INTS13: variants seen among roughly 807,000 people sequenced by gnomAD.
INTS13 encodes the protein asunder, spermatogenesis regulator homolog (Drosphila).
A neutral mutation model predicts 90.2 loss-of-function variants in INTS13; 35 were observed. The ratio of observed to expected loss-of-function variants is 0.39; its 90% confidence interval spans 0.30 to 0.51. The LOEUF (loss-of-function observed/expected upper bound fraction) is 0.51, where lower values mean the gene tolerates loss of function less well. INTS13 is among the 20% of genes least tolerant of loss of function. The pLI, the probability that INTS13 is intolerant of heterozygous loss-of-function variation, is 0.80. For synonymous variants in INTS13, 309 were observed against 277.1 expected (o/e 1.11, Z -1.14); for missense variants, 601 against 851.2 (o/e 0.71, Z 3.66).
At chr12:26,919,911 G>A (rs534711468) in intron 8 of INTS13, among the ~76,000 whole-genome samples, 7 of 152,194 alleles carry the variant, frequency 4.6e-5, no homozygotes, top group South Asian at 2.1e-4. Flanking sequence ...GGCGGATCAC[G>A]AGGTCAGGAG....
chr12:26,925,236 T>C (rs934095543), intron 6 of INTS13, among the ~76,000 whole-genome samples: 2 of 152,144 alleles, frequency 1.3e-5, no homozygotes, highest in Non-Finnish European at 1.5e-5. Context: ...CCAGGACATA[T>C]ATCTATATTT....
intron 12 of INTS13, 139 bp downstream of exon 12, chr12:26,914,269 T>C (rs1006791773): frequency 8.4e-7 from 1 of 1,186,620 alleles, no homozygotes; most frequent in Middle Eastern, 2.9e-4. Context: ...AATTTTTAAT[T>C]ATTAATTCTT....
At chr12:26,908,145 T>C (rs1017289539) in intron 15 of INTS13, among the ~76,000 whole-genome samples, 16 of 152,106 alleles carry the variant, frequency 1.1e-4, no homozygotes, top group African/African-American at 3.4e-4. Flanking sequence ...AGCACAATTA[T>C]AGGAAGAGAA....
intron 5 of INTS13, among the ~76,000 whole-genome samples, chr12:26,926,894 C>T (rs1186258840): frequency 6.6e-6 from 1 of 152,222 alleles, no homozygotes. Context: ...CAGCAGCATT[C>T]AGCCCCACTC....
intron 7 of INTS13, among the ~76,000 whole-genome samples, chr12:26,923,717 T>C (rs1217895299): frequency 6.6e-6 from 1 of 152,208 alleles, no homozygotes; most frequent in Non-Finnish European, 1.5e-5. Flanking sequence ...ACATCTATGG[T>C]CTTTCAGTTA....
rs779577136 is a variant in INTS13 at position 26,916,152 on chromosome 12, T to C, written c.1098A>G (p.Arg366=). The C allele has an allele frequency of 2.2e-5, 36 of 1,611,634 alleles. No homozygotes were observed. The highest frequency in any genetic ancestry group is 2.9e-5 in the Non-Finnish European group (34 of 1,179,190). The change falls in exon 11 of 17, where the codon CGA becomes CGG. Residue 366 remains arginine, a synonymous_variant. Coordinates refer to ENST00000261191, the MANE Select transcript of INTS13 (RefSeq NM_018164.3). ...GACTAATGACTTTAGAACCTGACTT[T>C]CGTGGTTGTTCCAATAAAACAGAAC... is the stretch of plus-strand genomic sequence containing the variant. ...NGRSVLLEQP[R]KSGSKVISHM...
intron 15 of INTS13, among the ~76,000 whole-genome samples, chr12:26,910,335 T>C (rs571482227): frequency 6.6e-6 from 1 of 152,352 alleles, no homozygotes; most frequent in African/African-American, 2.4e-5. Flanking sequence ...AAACTTTATA[T>C]GCTTATTTTC....
intron 12 of INTS13, 73 bp from the exon 13 acceptor site, chr12:26,914,201 T>G: frequency 7.3e-7 from 1 of 1,371,000 alleles, no homozygotes; most frequent in South Asian, 1.5e-5. Flanking sequence ...AGGCAGAACT[T>G]GATTTTCGAA....
intron 11 of INTS13, among the ~76,000 whole-genome samples, chr12:26,915,474 T>G (rs1260817570): frequency 2.6e-5 from 4 of 152,146 alleles, no homozygotes; most frequent in Admixed American, 2.6e-4. Context: ...CAAAGCATAT[T>G]CATATATATA....
rs1249033414 is a variant in INTS13 at position 26,905,497 on chromosome 12, TCA to T, written c.2119_2120del (p.Ter707LysfsTer7). 6.2e-7 allele frequency: 1 copy of T among 1,611,740 alleles called. No homozygotes were observed. Among genetic ancestry groups the T allele is most frequent in the Non-Finnish European group, 8.5e-7 (1 of 1,179,174 alleles). On this transcript the variant is annotated frameshift_variant and stop_lost, in exon 17 of 17. Coordinates refer to ENST00000261191, the MANE Select transcript of INTS13 (RefSeq NM_018164.3). LOFTEE classifies it high-confidence loss of function. ...TTENGKASRQ* is the reference protein window; with the variant it reads ...TTENGKASRQX ...TAAATTTAGTTCTTCAAGTCACTCT[TCA>T]CTGCCGGCTGGCTTTTCCATTTTCT...
At chr12:26,928,681 A>C in intron 4 of INTS13, 22 bp downstream of exon 4, 1 of 1,609,952 alleles carries the variant, frequency 6.2e-7, no homozygotes. Context: ...CAGTGAAAGA[A>C]TTGCTATAAT....
chr12:26,922,716 C>A lies in INTS13; in HGVS notation c.805-16G>T. ...GCTGTTCTTCCTTGAAGTAAAATTT[C>A]AAACATTTTAAAAAACTTGGTTTTG... On this transcript the variant is annotated splice_polypyrimidine_tract_variant and intron_variant, in intron 7 of 16. Coordinates refer to ENST00000261191, the MANE Select transcript of INTS13 (RefSeq NM_018164.3). 6.6e-7 allele frequency: 1 copy of A among 1,511,198 alleles called. No individual in the cohort carries two copies. Among genetic ancestry groups the A allele is most frequent in the Non-Finnish European group, 8.9e-7 (1 of 1,126,720 alleles). The allele number at this position is 1,511,198 out of a possible 1,614,324, so 93.6% of individuals were successfully genotyped here. A position where few individuals can be genotyped will look rare whatever the true frequency, so the allele number is the denominator to read the frequency against.
intron 14 of INTS13, among the ~76,000 whole-genome samples, chr12:26,913,155 T>G (rs757143840): frequency 2.6e-5 from 4 of 152,182 alleles, no homozygotes; most frequent in Non-Finnish European, 4.4e-5. Flanking sequence ...GGAATAAAAT[T>G]ATGTCTGTGA....
rs543015193 is a variant in INTS13, at chr12:26,912,244, T to C, written c.1806-927A>G. Among the ~76,000 whole-genome samples the C allele has an allele frequency of 1.2e-4, 19 of 152,238 alleles. 1 individual carries two copies. Among genetic ancestry groups the C allele is most frequent in the African/African-American group, 4.3e-4 (18 of 41,550 alleles). The stretch of plus-strand genomic sequence containing the variant: ...TGAGGTCAGGAGATCGAGACCAGCC[T>C]GGGCAACATGGTGAAACTCCATCTC... On this transcript the variant is annotated intron_variant, in intron 14 of 16. Coordinates refer to ENST00000261191, the MANE Select transcript of INTS13 (RefSeq NM_018164.3).
chr12:26,931,857 C>T (rs1179242279), intron 3 of INTS13, among the ~76,000 whole-genome samples: 10 of 152,060 alleles, frequency 6.6e-5, no homozygotes, highest in South Asian at 2.1e-4. Context: ...GTGGCTGAGG[C>T]GGGTGGATCA....
rs755647284 is a variant in INTS13 at position 26,908,889 on chromosome 12, G to A, written c.1945+2289C>T. On this transcript the variant is annotated intron_variant, in intron 15 of 16. Coordinates refer to ENST00000261191, the MANE Select transcript of INTS13 (RefSeq NM_018164.3). ...CTATTTCATATAATATTTCCAGGGC[G>A]AAAAACATCAGGGATCCATTTAATT... 4.1e-4 allele frequency among the ~76,000 whole-genome samples: 62 copies of A among 152,224 alleles called. 1 individual carries two copies. The highest frequency in any genetic ancestry group is 7.7e-4 in the East Asian group (4 of 5,194).
At chr12:26,924,856 T>A (rs1937779343) in intron 6 of INTS13, among the ~76,000 whole-genome samples, 1 of 152,156 alleles carries the variant, frequency 6.6e-6, no homozygotes, top group South Asian at 2.1e-4. Flanking sequence ...AAAAAATAAT[T>A]TATTTTGTTG....
intron 4 of INTS13, 119 bp from the exon 5 acceptor site, chr12:26,928,404 A>T: frequency 1.2e-6 from 1 of 805,428 alleles, no homozygotes; most frequent in Non-Finnish European, 2.0e-6. Context: ...ACTAAGGACT[A>T]TCTTTAGTGT....
At chr12:26,935,952 T>C (rs760013697) in intron 2 of INTS13, among the ~76,000 whole-genome samples, 1 of 152,222 alleles carries the variant, frequency 6.6e-6, no homozygotes, top group Non-Finnish European at 1.5e-5. Flanking sequence ...GTAATTTCTG[T>C]CAATCATCCA....
Sources: allele counts gnomAD v4.1 joint callset (sites outside exome capture counted in the v4.1 genomes callset), GRCh38; gene constraint gnomAD v4.1.1; transcripts MANE v1.5; gene names NCBI Gene and HGNC (gene_info 2026-07-23, HGNC 2026-07-21).